The following ST6GALNAC3 variants were observed in gnomAD, a reference collection of about 807,000 sequenced individuals.
The protein encoded by ST6GALNAC3 is ST6 N-acetylgalactosaminide alpha-2,6-sialyltransferase 3.
In ST6GALNAC3, 25 loss-of-function variants were observed where a neutral mutation model predicts 32.7. That is an observed-to-expected ratio of 0.76 (90% CI 0.56 to 1.07). The LOEUF (loss-of-function observed/expected upper bound fraction) is 1.07, where lower values mean the gene tolerates loss of function less well. Among genes scored for constraint, ST6GALNAC3 ranks in the 50% least tolerant of loss-of-function variants. ST6GALNAC3 has a pLI of 0.00. For synonymous variants in ST6GALNAC3, 129 were observed against 133.1 expected, an observed-to-expected ratio of 0.97 and a Z score of 0.21; for missense variants, 355 against 382.4, an observed-to-expected ratio of 0.93 and a Z score of 0.60.
At chr1:76,248,502 A>C (rs1254126214) in intron 1 of ST6GALNAC3, among the ~76,000 whole-genome samples, 1 of 152,152 alleles carries the variant, frequency 6.6e-6, no homozygotes, top group East Asian at 1.9e-4. Flanking sequence ...ACCTTTCCTT[A>C]GCTAATGCTT....
chr1:76,410,585 T>C (rs1423300083), intron 2 of ST6GALNAC3, among the ~76,000 whole-genome samples: 1 of 152,086 alleles, frequency 6.6e-6, no homozygotes, highest in Non-Finnish European at 1.5e-5. Flanking sequence ...GAATATAAGC[T>C]CTATGAGAAC....
intron 1 of ST6GALNAC3, among the ~76,000 whole-genome samples, chr1:76,298,293 C>T (rs879392833): frequency 6.6e-6 from 1 of 151,966 alleles, no homozygotes; most frequent in African/African-American, 2.4e-5. Context: ...TAAAAACTTA[C>T]CCAAGAAACC....
intron 1 of ST6GALNAC3, among the ~76,000 whole-genome samples, chr1:76,077,551 G>A (rs571254151): frequency 4.6e-5 from 7 of 152,298 alleles, no homozygotes; most frequent in African/African-American, 1.7e-4. Context: ...GTGGAAATGT[G>A]ACAAGACAAA....
In ST6GALNAC3 at chr1:76,435,047, T is replaced by C. The variant is rs1421118735; in HGVS notation, c.623+22630T>C. On this transcript the variant is annotated intron_variant, in intron 3 of 4. Coordinates refer to ENST00000328299, the MANE Select transcript of ST6GALNAC3 (RefSeq NM_152996.4). ...CTCAGGTGATCCACCCACCTTGGCC[T>C]CCCAAAGTGCTGGGATTATATGCCT... Among the ~76,000 whole-genome samples, 3 of 152,062 alleles carry C rather than the reference T, an allele frequency of 2.0e-5. No homozygotes were observed. In the East Asian group the frequency reaches 5.8e-4, roughly 30 times the overall value.
At chr1:76,407,044 C>G (rs538100335) in intron 2 of ST6GALNAC3, among the ~76,000 whole-genome samples, 1 of 152,144 alleles carries the variant, frequency 6.6e-6, no homozygotes, top group Non-Finnish European at 1.5e-5. Context: ...CTTCCTCTCT[C>G]TCTCACCTTC....
At chr1:76,612,644 C>T (rs1480892985) in intron 3 of ST6GALNAC3, among the ~76,000 whole-genome samples, 1 of 152,138 alleles carries the variant, frequency 6.6e-6, no homozygotes, top group Non-Finnish European at 1.5e-5. Context: ...AGTTTTTCTT[C>T]TCTGACGATG....
At chr1:76,361,829 A>T (rs562525274) in intron 2 of ST6GALNAC3, among the ~76,000 whole-genome samples, 1 of 151,102 alleles carries the variant, frequency 6.6e-6, no homozygotes, top group African/African-American at 2.5e-5. Context: ...ATATACAAAA[A>T]TTAGCCTGGC....
At chr1:76,557,784 A>T (rs1665014621) in intron 3 of ST6GALNAC3, among the ~76,000 whole-genome samples, 1 of 152,096 alleles carries the variant, frequency 6.6e-6, no homozygotes, top group Non-Finnish European at 1.5e-5. Flanking sequence ...CCCATTAGGG[A>T]TGCAATGTAA....
chr1:76,283,312 G>A (rs1428971870), intron 1 of ST6GALNAC3, among the ~76,000 whole-genome samples: 1 of 151,944 alleles, frequency 6.6e-6, no homozygotes, highest in Admixed American at 6.6e-5. Flanking sequence ...ATTGAGCTTT[G>A]CTATACTACT....
chr1:76,191,383 C>T (rs940803527), intron 1 of ST6GALNAC3, among the ~76,000 whole-genome samples: 2 of 151,700 alleles, frequency 1.3e-5, no homozygotes, highest in African/African-American at 4.8e-5. Flanking sequence ...GTATGGGAGG[C>T]GAGGAGGATG....
chr1:76,416,934 G>GT (rs140507938), intron 3 of ST6GALNAC3, among the ~76,000 whole-genome samples: 1 of 151,734 alleles, frequency 6.6e-6, no homozygotes, highest in Admixed American at 6.6e-5. Context: ...CCAGCATTGT[G>GT]TTTTTTTTCT....
intron 2 of ST6GALNAC3, among the ~76,000 whole-genome samples, chr1:76,381,698 C>T (rs1369368236): frequency 6.6e-6 from 1 of 152,064 alleles, no homozygotes; most frequent in African/African-American, 2.4e-5. Flanking sequence ...GATGCATATG[C>T]AATACTTAGA....
chr1:76,264,264 A>G (rs1382641788), intron 1 of ST6GALNAC3, among the ~76,000 whole-genome samples: 1 of 152,116 alleles, frequency 6.6e-6, no homozygotes, highest in African/African-American at 2.4e-5. Flanking sequence ...AGTGGCTTCA[A>G]TTTTTCTTCA....
At chr1:76,140,041 T>A (rs1160601234) in intron 1 of ST6GALNAC3, among the ~76,000 whole-genome samples, 1 of 152,188 alleles carries the variant, frequency 6.6e-6, no homozygotes, top group Non-Finnish European at 1.5e-5. Flanking sequence ...CAATCACTGG[T>A]TTATTCATAT....
intron 3 of ST6GALNAC3, among the ~76,000 whole-genome samples, chr1:76,431,370 T>C (rs975395366): frequency 6.6e-6 from 1 of 152,194 alleles, no homozygotes; most frequent in Non-Finnish European, 1.5e-5. Context: ...TAATTTTTAC[T>C]TTATTTTTAA....
intron 3 of ST6GALNAC3, among the ~76,000 whole-genome samples, chr1:76,438,312 C>T (rs1419610376): frequency 2.0e-5 from 3 of 151,958 alleles, no homozygotes; most frequent in African/African-American, 4.8e-5. Flanking sequence ...CCACCGTGCC[C>T]GGCTAATTTT....
intron 2 of ST6GALNAC3, among the ~76,000 whole-genome samples, chr1:76,401,529 G>T (rs901534997): frequency 6.6e-6 from 1 of 152,184 alleles, no homozygotes; most frequent in Admixed American, 6.5e-5. Flanking sequence ...CTTTAATGGT[G>T]GTTTGTTTCT....
chr1:76,082,134 A>G (rs1447151703), intron 1 of ST6GALNAC3, among the ~76,000 whole-genome samples: 11 of 152,208 alleles, frequency 7.2e-5, no homozygotes, highest in Non-Finnish European at 1.3e-4. Flanking sequence ...CAGGAGAAAA[A>G]TTTCTGTTTG....
At chr1:76,115,626 G>T (rs1235591947) in intron 1 of ST6GALNAC3, among the ~76,000 whole-genome samples, 1 of 152,088 alleles carries the variant, frequency 6.6e-6, no homozygotes, top group Non-Finnish European at 1.5e-5. Flanking sequence ...CATGTATTTG[G>T]CTTCTTTGAG....
Sources: gnomAD v4.1 joint callset for allele counts (sites outside exome capture counted in the v4.1 genomes callset) on GRCh38, gnomAD v4.1.1 for gene constraint, MANE v1.5 for transcripts, NCBI Gene and HGNC (gene_info 2026-07-23, HGNC 2026-07-21) for gene names.